PDGFC: variants seen among roughly 807,000 people sequenced by gnomAD.
PDGFC encodes platelet derived growth factor C.
A neutral mutation model predicts 35.5 loss-of-function variants in PDGFC; 12 were observed. The ratio of observed to expected loss-of-function variants is 0.34; its 90% CI spans 0.22 to 0.55. PDGFC has a LOEUF of 0.55. PDGFC is among the 20% of genes least tolerant of loss of function. PDGFC has a pLI of 0.91. For missense variants in PDGFC, 322 were observed against 412.4 expected (o/e 0.78, Z 1.90); for synonymous variants, 159 against 148.8 (o/e 1.07, Z -0.50).
chr4:156,841,670 C>A (rs1048478300), intron 2 of PDGFC, among the ~76,000 whole-genome samples: 2 of 151,990 alleles, frequency 1.3e-5, no homozygotes, highest in Admixed American at 1.3e-4. Context: ...CCATGCCCAG[C>A]TCATTTTCTT....
Position 156,760,873 on chromosome 4 carries a change from T to C in PDGFC, c.*2217A>G, listed in dbSNP as rs1730360390. The stretch of plus-strand genomic sequence containing the variant: ...AAACAGGCTATTTACTAAGACTTAG[T>C]AGTCTTTACTATACTAATGAAAGTT... On this transcript the variant is annotated 3_prime_UTR_variant, in exon 6 of 6. Coordinates refer to ENST00000502773, the MANE Select transcript of PDGFC (RefSeq NM_016205.3). The C allele has an allele frequency of 1.3e-5, 2 of 152,220 alleles. No homozygotes were observed. Among genetic ancestry groups the C allele is most frequent in the Non-Finnish European group, 2.9e-5 (2 of 68,042 alleles). 9.4% of individuals were successfully genotyped at this position (152,220 alleles called of 1,614,324 possible). A position where few individuals can be genotyped will look rare whatever the true frequency, so the allele number is the denominator to read the frequency against.
At chr4:156,869,393 G>A (rs937840454) in intron 1 of PDGFC, among the ~76,000 whole-genome samples, 4 of 151,690 alleles carry the variant, frequency 2.6e-5, no homozygotes, top group Non-Finnish European at 4.4e-5. Context: ...CCCAGATTGC[G>A]CCACTGCACT....
intron 3 of PDGFC, among the ~76,000 whole-genome samples, chr4:156,810,150 C>A (rs74446834): frequency 6.7e-6 from 1 of 150,188 alleles, no homozygotes; most frequent in South Asian, 2.1e-4. Flanking sequence ...ACATCTTTGT[C>A]TATCATTAAC....
intron 4 of PDGFC, 71 bp downstream of exon 4, chr4:156,772,615 G>T: frequency 1.1e-6 from 1 of 932,650 alleles, no homozygotes; most frequent in Non-Finnish European, 1.7e-6. Context: ...TTTAGAAGCT[G>T]TGGCAGAAGA....
At chr4:156,848,327 C>T (rs559179071) in intron 2 of PDGFC, among the ~76,000 whole-genome samples, 3 of 151,870 alleles carry the variant, frequency 2.0e-5, no homozygotes, top group African/African-American at 7.2e-5. Flanking sequence ...AATGTATAAA[C>T]TGATAATTTT....
chr4:156,827,455 C>T (rs371582309), intron 2 of PDGFC, among the ~76,000 whole-genome samples: 19 of 151,680 alleles, frequency 1.3e-4, no homozygotes, highest in African/African-American at 3.9e-4. Context: ...ACTTGTACTT[C>T]GACAAACGCA....
chr4:156,955,021 C>T (rs942641557), intron 1 of PDGFC, among the ~76,000 whole-genome samples: 6 of 151,954 alleles, frequency 3.9e-5, no homozygotes, highest in African/African-American at 1.4e-4. Flanking sequence ...TAATTAGAAT[C>T]CAAGGTAGAA....
Position 156,790,488 on chromosome 4 carries a change from T to G in PDGFC, c.496-17595A>C, listed in dbSNP as rs1731266770. 2.0e-5 allele frequency among the ~76,000 whole-genome samples: 3 copies of G among 152,200 alleles called. No homozygotes were observed. The South Asian group carries it at 6.2e-4, about 31-fold the overall frequency. ...GTTTGGGAGGAAAGGAGATTGTGAA[T>G]CAGATGGAAGATAAGCAAAAACAAT... On this transcript the variant is annotated intron_variant, in intron 3 of 5. Coordinates refer to ENST00000502773, the MANE Select transcript of PDGFC (RefSeq NM_016205.3).
At chr4:156,958,532 A>C (rs935396494) in intron 1 of PDGFC, among the ~76,000 whole-genome samples, 1 of 152,074 alleles carries the variant, frequency 6.6e-6, no homozygotes, top group African/African-American at 2.4e-5. Context: ...GATTTCTTAC[A>C]CAATCACTTC....
At position 156,971,631 on chromosome 4, in the gene PDGFC, T is replaced by G. The variant is rs1480748669; in HGVS notation, c.-728A>C. Among the ~76,000 whole-genome samples, 2 of 151,702 alleles carry G rather than the reference T, an allele frequency of 1.3e-5. No individual in the cohort carries two copies. Among genetic ancestry groups the G allele is most frequent in the African/African-American group, 4.8e-5 (2 of 41,358 alleles). On this transcript the variant is annotated 5_prime_UTR_variant, in exon 1 of 6. Coordinates refer to ENST00000502773, the MANE Select transcript of PDGFC (RefSeq NM_016205.3). The stretch of plus-strand genomic sequence containing the variant: ...CGGATTCCGGCACCTGGCTTGAGTT[T>G]TCCGCGACCAAAGTTCACCTTGTTC...
At chr4:156,829,434 C>T (rs1728871532) in intron 2 of PDGFC, among the ~76,000 whole-genome samples, 1 of 152,142 alleles carries the variant, frequency 6.6e-6, no homozygotes, top group Admixed American at 6.5e-5. Context: ...GGCCGAGTGC[C>T]CACTTGGCTA....
intron 3 of PDGFC, among the ~76,000 whole-genome samples, chr4:156,773,187 T>TA (rs1730734740): frequency 6.6e-6 from 1 of 152,196 alleles, no homozygotes; most frequent in Non-Finnish European, 1.5e-5. Flanking sequence ...ATTACAAACT[T>TA]AGAATGAAAA....
rs922551871 is a variant in PDGFC at position 156,911,207 on chromosome 4, C to T, written c.118+59579G>A. 3.9e-5 allele frequency among the ~76,000 whole-genome samples: 6 copies of T among 152,216 alleles called. No individual in the cohort carries two copies. In the East Asian group the frequency reaches 7.7e-4, roughly 20 times the overall value. On this transcript the variant is annotated intron_variant, in intron 1 of 5. Transcript: ENST00000502773. The stretch of plus-strand genomic sequence containing the variant: ...ATGAGTGACATTCAATGAAGAATTG[C>T]ATTTTTAAAGAACCCTAAATGTATT...
chr4:156,887,997 C>T (rs535561565), intron 1 of PDGFC, among the ~76,000 whole-genome samples: 22 of 142,630 alleles, frequency 1.5e-4, no homozygotes, highest in Admixed American at 3.5e-4. Flanking sequence ...AGTGAAACCC[C>T]GTCTTAAAAA....
chr4:156,821,497 G>A (rs1049586338), intron 2 of PDGFC, among the ~76,000 whole-genome samples: 3 of 151,754 alleles, frequency 2.0e-5, no homozygotes, highest in South Asian at 2.1e-4. Flanking sequence ...CACCTCGGCC[G>A]CCCAACATGC....
At position 156,784,687 on chromosome 4, in the gene PDGFC, TG is replaced by T. The variant is rs369456236; in HGVS notation, c.496-11795del. On this transcript the variant is annotated intron_variant, in intron 3 of 5. Transcript: ENST00000502773. Reference sequence around the variant, plus strand: ...ATTTGCAATTAGAAAAGAAGGCCAATGAATAAAAGAAATCAGAAGACAGAGG... The same window carrying T: ...ATTTGCAATTAGAAAAGAAGGCCAATAATAAAAGAAATCAGAAGACAGAGG... 3.1e-3 allele frequency among the ~76,000 whole-genome samples: 477 copies of T among 152,184 alleles called. 5 individuals are homozygous for T. The highest frequency in any genetic ancestry group is 0.011 in the African/African-American group (455 of 41,530).
intron 1 of PDGFC, among the ~76,000 whole-genome samples, chr4:156,870,678 G>GA (rs34807708): frequency 0.14 from 20,657 of 152,012 alleles, 1,539 homozygotes; most frequent in Admixed American, 0.23. Flanking sequence ...TGCTTCAAAA[G>GA]AATGTTCAAC....
chr4:156,929,293 A>G (rs1731491892), intron 1 of PDGFC, among the ~76,000 whole-genome samples: 2 of 152,218 alleles, frequency 1.3e-5, no homozygotes, highest in Non-Finnish European at 2.9e-5. Context: ...AAGAAATTTT[A>G]TCAGTATCTG....
At chr4:156,836,207 A>G (rs930536275) in intron 2 of PDGFC, among the ~76,000 whole-genome samples, 22 of 152,162 alleles carry the variant, frequency 1.4e-4, no homozygotes, top group African/African-American at 5.1e-4. Context: ...TGGTGAATAC[A>G]AAGAGGTCTC....
Sources: gnomAD v4.1 joint callset for allele counts (sites outside exome capture counted in the v4.1 genomes callset) on GRCh38, gnomAD v4.1.1 for gene constraint, MANE v1.5 for transcripts, NCBI Gene and HGNC (gene_info 2026-07-23, HGNC 2026-07-21) for gene names.